PI4KA: variants seen among roughly 807,000 people sequenced by gnomAD.
PI4KA encodes phosphatidylinositol 4-kinase alpha.
In PI4KA, 122 loss-of-function variants were observed where a neutral mutation model predicts 271.4. The ratio of observed to expected loss-of-function variants is 0.45; its 90% CI spans 0.39 to 0.52. The LOEUF (loss-of-function observed/expected upper bound fraction) is 0.52. PI4KA is among the 20% of genes least tolerant of loss of function. The pLI is 0.00. For missense variants in PI4KA, 1,969 were observed against 2,769.1 expected (o/e 0.71, Z 6.48); for synonymous variants, 1,041 against 1,078.8 (o/e 0.96, Z 0.69).
rs1033967877 is a variant in PI4KA, at chr22:20,736,224, C to T, written c.3742-1671G>A. Among the ~76,000 whole-genome samples, 15 of 151,974 alleles carry T rather than the reference C, an allele frequency of 9.9e-5. 1 individual carries two copies. The highest frequency in any genetic ancestry group is 3.1e-4 in the African/African-American group (13 of 41,432). On this transcript the variant is annotated intron_variant, in intron 32 of 54. Coordinates refer to ENST00000255882, the MANE Select transcript of PI4KA (RefSeq NM_058004.4). ...CCATCTGAGAAGAGGGAATGCATGA[C>T]GCGGCCTATGGTGGGAGCAGCCCAG...
chr22:20,834,312 G>A (rs920645838), intron 3 of PI4KA, among the ~76,000 whole-genome samples: 21 of 152,268 alleles, frequency 1.4e-4, no homozygotes, highest in Middle Eastern at 3.4e-3. Context: ...AGGTCTCAAC[G>A]TTCTTGCTCA....
At chr22:20,752,387 T>C (rs1930800147) in intron 25 of PI4KA, among the ~76,000 whole-genome samples, 1 of 152,322 alleles carries the variant, frequency 6.6e-6, no homozygotes. Context: ...GCAGCCTCCA[T>C]GTGGGTGTTT....
intron 1 of PI4KA, among the ~76,000 whole-genome samples, chr22:20,841,946 T>A (rs1925604633): frequency 6.6e-6 from 1 of 152,140 alleles, no homozygotes; most frequent in Non-Finnish European, 1.5e-5. Context: ...CTGGGTGCGG[T>A]GGCTCATACC....
chr22:20,746,676 G>A (rs761037335), intron 29 of PI4KA, among the ~76,000 whole-genome samples: 7 of 152,356 alleles, frequency 4.6e-5, no homozygotes, highest in African/African-American at 1.2e-4. Context: ...CTGGTGCCCC[G>A]TCAGAGTAGG....
At chr22:20,724,189 C>T (rs1026435453) in intron 42 of PI4KA, among the ~76,000 whole-genome samples, 1 of 151,422 alleles carries the variant, frequency 6.6e-6, no homozygotes, top group Non-Finnish European at 1.5e-5. Context: ...CCTGTAATCA[C>T]AGCTGCTTGG....
chr22:20,787,430 GC>G (rs142262672), intron 19 of PI4KA: 6,206 of 357,000 alleles, frequency 0.017, 344 homozygotes, highest in African/African-American at 0.12. Context: ...TCTCCACCAG[GC>G]CCCTCATCTG....
At chr22:20,772,461 G>A (rs890170120) in intron 19 of PI4KA, among the ~76,000 whole-genome samples, 4 of 152,236 alleles carry the variant, frequency 2.6e-5, no homozygotes, top group Non-Finnish European at 5.9e-5. Context: ...ACTCAGTATT[G>A]TATGTGACAG....
intron 4 of PI4KA, among the ~76,000 whole-genome samples, chr22:20,821,470 T>C (rs921057893): frequency 1.3e-5 from 2 of 152,076 alleles, no homozygotes; most frequent in Non-Finnish European, 2.9e-5. Context: ...TCCACCTGCC[T>C]TGGCCTCGCA....
intron 1 of PI4KA, among the ~76,000 whole-genome samples, chr22:20,847,906 A>G (rs1303568349): frequency 6.6e-6 from 1 of 152,214 alleles, no homozygotes. Context: ...ATGGAAAGAC[A>G]TCCCATGTTC....
intron 32 of PI4KA, among the ~76,000 whole-genome samples, chr22:20,737,797 A>G (rs1928918631): frequency 6.6e-6 from 1 of 151,978 alleles, no homozygotes; most frequent in African/African-American, 2.4e-5. Context: ...ACACCTGGCT[A>G]ATTTTGTATA....
At chr22:20,722,666 A>C (rs767503940) in intron 42 of PI4KA, among the ~76,000 whole-genome samples, 2 of 152,186 alleles carry the variant, frequency 1.3e-5, no homozygotes, top group Non-Finnish European at 2.9e-5. Context: ...TTGAAACTCC[A>C]GTTTTAATTC....
At chr22:20,777,373 C>A (rs954915822) in intron 19 of PI4KA, among the ~76,000 whole-genome samples, 1 of 152,024 alleles carries the variant, frequency 6.6e-6, no homozygotes, top group African/African-American at 2.4e-5. Flanking sequence ...TGCGCCACCA[C>A]GCCGGCTAAT....
intron 43 of PI4KA, 91 bp from the exon 44 acceptor site, chr22:20,718,913 A>T (rs2540536): frequency 1.8e-5 from 22 of 1,204,990 alleles, no homozygotes; most frequent in Non-Finnish European, 2.6e-5. Flanking sequence ...CCAGACTGGC[A>T]GTGCCCAGAG....
At chr22:20,713,636 A>G (rs1210392495) in intron 47 of PI4KA, among the ~76,000 whole-genome samples, 1 of 152,230 alleles carries the variant, frequency 6.6e-6, no homozygotes, top group African/African-American at 2.4e-5. Flanking sequence ...ACAGAGCCCC[A>G]TTTCATCTGC....
In PI4KA at chr22:20,756,499, C is replaced by T. The variant is rs574500065; in HGVS notation, c.2792-3319G>A. On this transcript the variant is annotated intron_variant, in intron 23 of 54. Coordinates refer to ENST00000255882, the MANE Select transcript of PI4KA (RefSeq NM_058004.4). ...CCTCCCAAAGTGCTGGGATTACAGG[C>T]GTGAGCCACCACACCTGGCCTAGTA... Among the ~76,000 whole-genome samples, 270 of 152,062 alleles carry T rather than the reference C, an allele frequency of 1.8e-3. 2 individuals are homozygous for T. The highest frequency in any genetic ancestry group is 6.2e-3 in the African/African-American group (258 of 41,474).
At chr22:20,854,190 G>A (rs963380392) in intron 1 of PI4KA, among the ~76,000 whole-genome samples, 15 of 150,988 alleles carry the variant, frequency 9.9e-5, no homozygotes, top group Admixed American at 4.0e-4. Flanking sequence ...GTGAGATCTC[G>A]GCTTACTGCA....
At chr22:20,786,494 A>G (rs933633617) in intron 19 of PI4KA, among the ~76,000 whole-genome samples, 23 of 152,174 alleles carry the variant, frequency 1.5e-4, no homozygotes, top group African/African-American at 4.3e-4. Flanking sequence ...CACTATACAC[A>G]TACTTAACTT....
chr22:20,745,137 CT>C (rs1182462594), intron 29 of PI4KA, among the ~76,000 whole-genome samples: 1 of 152,234 alleles, frequency 6.6e-6, no homozygotes, highest in East Asian at 1.9e-4. Flanking sequence ...TCTTAAACAT[CT>C]GCTGGCTGCT....
chr22:20,707,793 T>G lies in PI4KA; in HGVS notation c.*254A>C. ...TCATGTACCTATGAAATAAGACAGGTAGGGAATATGTCCAGTGCAAACAGA... is the reference window on the plus strand; with the variant it reads ...TCATGTACCTATGAAATAAGACAGGGAGGGAATATGTCCAGTGCAAACAGA... On this transcript the variant is annotated 3_prime_UTR_variant, in exon 55 of 55. Transcript: ENST00000255882. The G allele has an allele frequency of 1.7e-6, 1 of 577,606 alleles. No individual in the cohort carries two copies. Among genetic ancestry groups the G allele is most frequent in the Non-Finnish European group, 3.2e-6 (1 of 317,180 alleles). 35.8% of individuals were successfully genotyped at this position (577,606 alleles called of 1,614,324 possible).
Sources: allele counts gnomAD v4.1 joint callset (sites outside exome capture counted in the v4.1 genomes callset), GRCh38; gene constraint gnomAD v4.1.1; transcripts MANE v1.5; gene names NCBI Gene and HGNC (gene_info 2026-07-23, HGNC 2026-07-21).